Variants in PCDHA1 observed in about 807,000 individuals in gnomAD.
PCDHA1 encodes the protein protocadherin alpha 1, also known as protocadherin alpha-1.
In PCDHA1, 42 loss-of-function variants were observed where a neutral mutation model predicts 61.3. The observed-to-expected ratio is 0.69, with a 90% CI of 0.54 to 0.89. PCDHA1 has a LOEUF of 0.89. PCDHA1 is among the 40% of genes least tolerant of loss of function. The pLI, the probability that PCDHA1 is intolerant of heterozygous loss-of-function variation, is 0.00. For synonymous variants in PCDHA1, 610 were observed against 553.8 expected, an observed-to-expected ratio of 1.10 and a Z score of -1.43; for missense variants, 1,256 against 1,235.3, an observed-to-expected ratio of 1.02 and a Z score of -0.25.
intron 1 of PCDHA1, among the ~76,000 whole-genome samples, chr5:140,903,353 G>C (rs782739410): frequency 6.6e-5 from 10 of 152,156 alleles, no homozygotes; most frequent in Non-Finnish European, 1.3e-4. Context: ...TAAAAAACAA[G>C]TTTTTCAAAA....
intron 1 of PCDHA1, chr5:140,852,935 G>A: frequency 1.6e-6 from 1 of 611,692 alleles, no homozygotes; most frequent in Non-Finnish European, 2.1e-6. Flanking sequence ...CTGGAGTGCA[G>A]TGGTGCCATC....
intron 1 of PCDHA1, among the ~76,000 whole-genome samples, chr5:140,889,933 A>T (rs1034906344): frequency 7.9e-5 from 12 of 152,188 alleles, no homozygotes; most frequent in African/African-American, 2.9e-4. Context: ...CTCAAGCTGG[A>T]CTTGTGAGAA....
chr5:140,842,494 C>T lies in PCDHA1; in HGVS notation c.2394+53810C>T, dbSNP rs2150337446. The T allele has an allele frequency of 1.1e-5, 17 of 1,613,862 alleles. No homozygotes were observed. In the South Asian group the frequency reaches 1.6e-4, roughly 16 times the overall value. On this transcript the variant is annotated intron_variant, in intron 1 of 3. Transcript: ENST00000504120. ...GGCAGGTGACCTGCTCCCTGATGCCCCATGTCCCCTTCAAGCTGGTGTCCA... is the reference window on the plus strand; with the variant it reads ...GGCAGGTGACCTGCTCCCTGATGCCTCATGTCCCCTTCAAGCTGGTGTCCA...
chr5:140,930,404 T>C (rs2086793049), intron 1 of PCDHA1: 1 of 152,170 alleles, frequency 6.6e-6, no homozygotes, highest in African/African-American at 2.4e-5. Flanking sequence ...TTTTTTTTTT[T>C]TGAGACAGGG....
At chr5:140,802,325 C>T in intron 1 of PCDHA1, 1 of 1,614,252 alleles carries the variant, frequency 6.2e-7, no homozygotes, top group Non-Finnish European at 8.5e-7. Context: ...GCGTGTCCGA[C>T]CGCGACTCAG....
intron 1 of PCDHA1, among the ~76,000 whole-genome samples, chr5:140,974,144 A>G (rs868918794): frequency 5.9e-5 from 9 of 152,268 alleles, no homozygotes; most frequent in African/African-American, 1.7e-4. Context: ...CCTGAAAACT[A>G]TACAAGGGTT....
intron 1 of PCDHA1, chr5:140,882,970 C>A (rs111935814): frequency 1.2e-6 from 2 of 1,614,130 alleles, no homozygotes; most frequent in African/African-American, 1.3e-5. Flanking sequence ...CGATTCTGGA[C>A]GTGAATGACA....
intron 1 of PCDHA1, chr5:140,797,299 G>T (rs1554120391): frequency 1.2e-6 from 2 of 1,614,192 alleles, no homozygotes; most frequent in Non-Finnish European, 1.7e-6. Context: ...CTTATCTCAA[G>T]GTCCAGACTC....
At chr5:140,923,299 G>A (rs921157994) in intron 1 of PCDHA1, among the ~76,000 whole-genome samples, 17 of 152,330 alleles carry the variant, frequency 1.1e-4, no homozygotes, top group Middle Eastern at 3.4e-3. Context: ...TTAGCTGGGC[G>A]TGGGGGCGCT....
rs946669637 is a variant in PCDHA1, at chr5:140,923,020, G to C, written c.2395-55929G>C. On this transcript the variant is annotated intron_variant, in intron 1 of 3. Coordinates refer to ENST00000504120, the MANE Select transcript of PCDHA1 (RefSeq NM_018900.4). ...AGAATGGTTGTTGGACTGCAGTTTCGGACTCTATTACTACATGTATAGTAT... is the reference window on the plus strand; with the variant it reads ...AGAATGGTTGTTGGACTGCAGTTTCCGACTCTATTACTACATGTATAGTAT... Among the ~76,000 whole-genome samples the C allele has an allele frequency of 2.0e-5, 3 of 152,230 alleles. No homozygotes were observed. The East Asian group carries it at 5.8e-4, about 29-fold the overall frequency.
intron 1 of PCDHA1, chr5:140,881,246 G>A (rs1006093115): frequency 4.8e-6 from 2 of 415,054 alleles, no homozygotes; most frequent in Non-Finnish European, 6.5e-6. Flanking sequence ...TTAAATGACG[G>A]CAAGGTTTTA....
intron 1 of PCDHA1, chr5:140,967,093 G>T: frequency 6.2e-7 from 1 of 1,613,122 alleles, no homozygotes; most frequent in Non-Finnish European, 8.5e-7. Flanking sequence ...ATCGGGAGGC[G>T]CTGTGTGAGC....
chr5:140,869,089 C>T (rs141432478), intron 1 of PCDHA1: 5 of 1,588,880 alleles, frequency 3.1e-6, no homozygotes, highest in Non-Finnish European at 4.3e-6. Flanking sequence ...ATTTTGGAAG[C>T]CAATTTCGTA....
At chr5:140,807,611 A>T (rs782442126) in intron 1 of PCDHA1, 2 of 1,614,226 alleles carry the variant, frequency 1.2e-6, no homozygotes, top group South Asian at 2.2e-5. Context: ...GAACCTGTCC[A>T]TCGCGGAATC....
Position 140,824,248 on chromosome 5 carries a change from A to C in PCDHA1, c.2394+35564A>C, listed in dbSNP as rs2150133568. On this transcript the variant is annotated intron_variant, in intron 1 of 3. Transcript: ENST00000504120. Reference sequence around the variant, plus strand: ...TTAGTACACAAATATTGTGGTACACAATTATTGCACTAATTCATGTATTAT... The same window carrying C: ...TTAGTACACAAATATTGTGGTACACCATTATTGCACTAATTCATGTATTAT... 7 of 1,434,750 alleles carry C rather than the reference A, an allele frequency of 4.9e-6. No homozygotes were observed. The Admixed American group carries it at 1.2e-4, about 25-fold the overall frequency. 88.9% of individuals were successfully genotyped at this position (1,434,750 alleles called of 1,614,324 possible). A position where few individuals can be genotyped will look rare whatever the true frequency, so the allele number is the denominator to read the frequency against.
intron 1 of PCDHA1, among the ~76,000 whole-genome samples, chr5:140,789,501 A>G (rs1312290599): frequency 1.3e-5 from 2 of 151,966 alleles, no homozygotes; most frequent in East Asian, 1.9e-4. Context: ...AACAAAAAAC[A>G]CCATTTATTG....
chr5:140,841,433 G>C, intron 1 of PCDHA1: 1 of 1,612,986 alleles, frequency 6.2e-7, no homozygotes, highest in Non-Finnish European at 8.5e-7. Flanking sequence ...CGTCCCCGAG[G>C]AGGCCAAACA....
intron 1 of PCDHA1, among the ~76,000 whole-genome samples, chr5:140,886,928 C>T (rs2061230435): frequency 6.6e-6 from 1 of 151,686 alleles, no homozygotes; most frequent in African/African-American, 2.4e-5. Flanking sequence ...TCTCTATGTG[C>T]CAGGCATGTT....
At chr5:140,856,405 C>A in intron 1 of PCDHA1, 1 of 1,598,432 alleles carries the variant, frequency 6.3e-7, no homozygotes, top group Non-Finnish European at 8.6e-7. Flanking sequence ...TCCATGTGGA[C>A]GTGGAAGTGA....
Sources: gnomAD v4.1 joint callset for allele counts (sites outside exome capture counted in the v4.1 genomes callset) on GRCh38, gnomAD v4.1.1 for gene constraint, MANE v1.5 for transcripts, NCBI Gene and HGNC (gene_info 2026-07-23, HGNC 2026-07-21) for gene names.